Variants in CTNNA2 observed in about 807,000 individuals in gnomAD.
CTNNA2 encodes catenin alpha-2.
A neutral mutation model predicts 101.0 loss-of-function variants in CTNNA2; 42 were observed. That is an observed-to-expected ratio of 0.42 (90% confidence interval 0.32 to 0.54). The LOEUF (loss-of-function observed/expected upper bound fraction) is 0.54. CTNNA2 is among the 20% of genes least tolerant of loss of function. The probability of loss-of-function intolerance (pLI) is 0.14; values close to 1 mark genes in which losing one functional copy is unlikely to be tolerated. For synonymous variants in CTNNA2, 450 were observed against 456.4 expected (o/e 0.99, Z 0.18); for missense variants, 871 against 1,223.1 (o/e 0.71, Z 4.29).
intron 2 of CTNNA2, among the ~76,000 whole-genome samples, chr2:79,664,642 T>C (rs1567530): frequency 0.22 from 33,285 of 151,648 alleles, 3,943 homozygotes; most frequent in Admixed American, 0.26. Flanking sequence ...TAAATTGTTA[T>C]TGTAGTTTCA....
intron 2 of CTNNA2, among the ~76,000 whole-genome samples, chr2:79,230,061 T>C (rs1674469750): frequency 6.6e-6 from 1 of 152,222 alleles, no homozygotes; most frequent in South Asian, 2.1e-4. Context: ...TTGGAAAATT[T>C]GCAGATGGAC....
In CTNNA2 at chr2:80,115,830, G is replaced by A. The variant is rs140262098; in HGVS notation, c.1056+206033G>A. Among the ~76,000 whole-genome samples the A allele has an allele frequency of 2.4e-3, 364 of 152,242 alleles. 2 individuals carry two copies. Among genetic ancestry groups the A allele is most frequent in the African/African-American group, 8.0e-3 (331 of 41,548 alleles). On this transcript the variant is annotated intron_variant, in intron 7 of 18. Transcript: ENST00000402739. ...AGATGAGGGCAATTATAACAGTTAAGGAAGGAGTTCTGAAACCTGTTGACC... is the reference window on the plus strand; with the variant it reads ...AGATGAGGGCAATTATAACAGTTAAAGAAGGAGTTCTGAAACCTGTTGACC...
chr2:79,312,982 C>T (rs1413283953), intron 3 of CTNNA2, among the ~76,000 whole-genome samples: 98 of 152,170 alleles, frequency 6.4e-4, no homozygotes, highest in Admixed American at 6.4e-3. Context: ...AGTGTTTGTG[C>T]ACAGAGCAAT....
rs144760056 is a variant in CTNNA2 at position 79,491,914 on chromosome 2, G to C, written c.-134-13140G>C. ...TTGCACTTAGGACCCTGATTGTAAG[G>C]ACATCTGGGAACTGTAGATTTCGGA... On this transcript the variant is annotated intron_variant, in intron 4 of 21. Coordinates refer to the CTNNA2 transcript ENST00000466387. Among the ~76,000 whole-genome samples the C allele has an allele frequency of 1.8e-3, 268 of 152,280 alleles. 1 individual carries two copies. The highest frequency in any genetic ancestry group is 6.2e-3 in the African/African-American group (259 of 41,564).
intron 1 of CTNNA2, among the ~76,000 whole-genome samples, chr2:79,543,487 A>T (rs749063408): frequency 2.0e-5 from 3 of 152,152 alleles, no homozygotes; most frequent in Non-Finnish European, 2.9e-5. Context: ...CTTGCTGGTT[A>T]TAAAAGCAGC....
chr2:79,619,110 G>T (rs1430327149), intron 1 of CTNNA2, among the ~76,000 whole-genome samples: 2 of 152,232 alleles, frequency 1.3e-5, no homozygotes, highest in Non-Finnish European at 2.9e-5. Flanking sequence ...GGAGGCTGAG[G>T]CAAGAGAATC....
chr2:79,865,170 AT>A (rs1002008372), intron 4 of CTNNA2, among the ~76,000 whole-genome samples: 4 of 152,152 alleles, frequency 2.6e-5, no homozygotes, highest in Non-Finnish European at 5.9e-5. Flanking sequence ...TGATGAAATC[AT>A]TTTTTTCTTC....
intron 6 of CTNNA2, among the ~76,000 whole-genome samples, chr2:79,901,598 T>G (rs1464722719): frequency 6.6e-6 from 1 of 152,210 alleles, no homozygotes; most frequent in Non-Finnish European, 1.5e-5. Flanking sequence ...CTTGGCATTT[T>G]GAAAATTCTG....
chr2:79,923,434 C>A (rs1686807329), intron 7 of CTNNA2, among the ~76,000 whole-genome samples: 2 of 151,912 alleles, frequency 1.3e-5, no homozygotes, highest in African/African-American at 2.4e-5. Context: ...ATCTGGTGGT[C>A]TGCTTTTAAT....
chr2:79,660,489 T>G (rs1681959287), intron 2 of CTNNA2, among the ~76,000 whole-genome samples: 1 of 151,916 alleles, frequency 6.6e-6, no homozygotes, highest in African/African-American at 2.4e-5. Flanking sequence ...TATAAAATAT[T>G]TTTATTGTTT....
At chr2:80,333,653 G>T (rs1299786573) in intron 7 of CTNNA2, among the ~76,000 whole-genome samples, 2 of 152,056 alleles carry the variant, frequency 1.3e-5, no homozygotes, top group African/African-American at 4.8e-5. Context: ...GTGGTGGGGG[G>T]GATGGAGTCT....
intron 7 of CTNNA2, chr2:80,163,103 T>A (rs1322802935): frequency 2.5e-6 from 4 of 1,579,434 alleles, no homozygotes; most frequent in Non-Finnish European, 3.5e-6. Flanking sequence ...ACTGCTTTGG[T>A]TTACCATCCT....
chr2:80,579,335 AG>A (rs1355125959), intron 13 of CTNNA2: 2 of 152,216 alleles, frequency 1.3e-5, no homozygotes, highest in Non-Finnish European at 2.9e-5. Flanking sequence ...CAGTACTATA[AG>A]AACTGTCATA....
chr2:80,284,225 A>G (rs2149165316), intron 7 of CTNNA2, among the ~76,000 whole-genome samples: 1 of 152,254 alleles, frequency 6.6e-6, no homozygotes, highest in Admixed American at 6.5e-5. Flanking sequence ...TTTGGAGGAT[A>G]AGGGGCCCTA....
intron 2 of CTNNA2, among the ~76,000 whole-genome samples, chr2:79,683,018 A>G (rs1286035933): frequency 1.3e-5 from 2 of 152,258 alleles, no homozygotes; most frequent in Non-Finnish European, 2.9e-5. Context: ...CTATACATGC[A>G]GGTTGGTGGT....
intron 6 of CTNNA2, among the ~76,000 whole-genome samples, chr2:79,900,057 TAAATG>T (rs1320463137): frequency 6.6e-6 from 1 of 152,186 alleles, no homozygotes; most frequent in Non-Finnish European, 1.5e-5. Context: ...TTAATTTATT[TAAATG>T]ATCTTGATTT....
In CTNNA2 at chr2:80,019,011, T is replaced by C. The variant is rs1033789384; in HGVS notation, c.1056+109214T>C. 1.8e-3 allele frequency among the ~76,000 whole-genome samples: 278 copies of C among 152,306 alleles called. 1 individual carries two copies. The highest frequency in any genetic ancestry group is 6.5e-3 in the African/African-American group (270 of 41,578). ...CTGTGCTGAACATGGACAGACTTAT[T>C]ATCTTGTCATTATTTCCTAAACAAT... On this transcript the variant is annotated intron_variant, in intron 7 of 18. Transcript: ENST00000402739.
At chr2:80,180,309 A>T (rs1426236429) in intron 7 of CTNNA2, among the ~76,000 whole-genome samples, 1 of 152,210 alleles carries the variant, frequency 6.6e-6, no homozygotes, top group African/African-American at 2.4e-5. Flanking sequence ...TATTTTTATA[A>T]TTCAAATTAG....
rs75948887 is a variant in CTNNA2 at position 79,482,450 on chromosome 2, C to T, written c.-134-22604C>T. ...TGGAAACGTGGGCTAGTTCCTGGCC[C>T]GAGCCTGAAAAACATAAAGGCTTAG... On this transcript the variant is annotated intron_variant, in intron 4 of 21. Transcript: ENST00000466387. 5.2e-3 allele frequency among the ~76,000 whole-genome samples: 796 copies of T among 152,216 alleles called. 5 individuals carry two copies. The highest frequency in any genetic ancestry group is 6.3e-3 in the Non-Finnish European group (427 of 68,024).
Sources: allele counts gnomAD v4.1 joint callset (sites outside exome capture counted in the v4.1 genomes callset), GRCh38; gene constraint gnomAD v4.1.1; transcripts MANE v1.5; gene names NCBI Gene and HGNC (gene_info 2026-07-23, HGNC 2026-07-21).